GALNTL6: variants seen among roughly 807,000 people sequenced by gnomAD.
GALNTL6 encodes polypeptide N-acetylgalactosaminyltransferase like 6, also known as polypeptide N-acetylgalactosaminyltransferase-like 6.
Under a neutral mutation model 73.7 loss-of-function variants are expected in GALNTL6, and 46 were observed. The ratio of observed to expected loss-of-function variants is 0.62; its 90% CI spans 0.49 to 0.80. The LOEUF is 0.80. Ranked by LOEUF, GALNTL6 falls within the 30% of genes least tolerant of loss-of-function variation. The pLI is 0.00. For missense variants in GALNTL6, 604 were observed against 755.0 expected (o/e 0.80, Z 2.34); for synonymous variants, 259 against 263.7 (o/e 0.98, Z 0.17).
chr4:171,841,159 T>G (rs1462152529), intron 2 of GALNTL6, among the ~76,000 whole-genome samples: 2 of 152,198 alleles, frequency 1.3e-5, no homozygotes, highest in Non-Finnish European at 2.9e-5. Context: ...GTGTTATCTT[T>G]CCACTTCAAA....
At chr4:171,871,022 G>T (rs1410734340) in intron 2 of GALNTL6, among the ~76,000 whole-genome samples, 3 of 152,098 alleles carry the variant, frequency 2.0e-5, no homozygotes, top group African/African-American at 7.2e-5. Flanking sequence ...TTAAGATGAA[G>T]GAAGATCATT....
chr4:171,950,889 G>A (rs1738857464), intron 2 of GALNTL6, among the ~76,000 whole-genome samples: 1 of 151,670 alleles, frequency 6.6e-6, no homozygotes. Flanking sequence ...TGGGTGTACA[G>A]AATTTAAAAC....
At chr4:172,946,856 A>G (rs187203199) in intron 9 of GALNTL6, among the ~76,000 whole-genome samples, 1 of 152,308 alleles carries the variant, frequency 6.6e-6, no homozygotes, top group Admixed American at 6.5e-5. Flanking sequence ...CTGTTCAGCA[A>G]TCCATTTTGG....
At chr4:171,869,776 C>T (rs1578926840) in intron 2 of GALNTL6, among the ~76,000 whole-genome samples, 2 of 152,072 alleles carry the variant, frequency 1.3e-5, no homozygotes, top group Non-Finnish European at 2.9e-5. Flanking sequence ...ATATTGTTCT[C>T]GTGGTAGTGA....
chr4:172,535,031 CAA>C (rs1735299508), intron 5 of GALNTL6, among the ~76,000 whole-genome samples: 1 of 152,154 alleles, frequency 6.6e-6, no homozygotes, highest in Admixed American at 6.6e-5. Flanking sequence ...TTTTAGAAGA[CAA>C]GAGCTAAACA....
chr4:171,961,335 G>A (rs1739212751), intron 2 of GALNTL6, among the ~76,000 whole-genome samples: 1 of 152,054 alleles, frequency 6.6e-6, no homozygotes, highest in Admixed American at 6.6e-5. Flanking sequence ...ATTCTGACAG[G>A]CCCAGGAGCC....
intron 3 of GALNTL6, among the ~76,000 whole-genome samples, chr4:172,255,335 C>T: frequency 1.5e-5 from 1 of 67,252 alleles, no homozygotes; most frequent in South Asian, 3.7e-4. Flanking sequence ...ACAGAAAAAT[C>T]ATTGGTAGAG....
chr4:172,757,137 G>T (rs1310357548), intron 5 of GALNTL6, among the ~76,000 whole-genome samples: 1 of 152,138 alleles, frequency 6.6e-6, no homozygotes. Context: ...TAAGCATCTG[G>T]TGTATGCCAG....
chr4:171,860,956 T>G (rs1735815461), intron 2 of GALNTL6, among the ~76,000 whole-genome samples: 1 of 152,132 alleles, frequency 6.6e-6, no homozygotes. Flanking sequence ...CATTCAGCAT[T>G]CAGCTTGTAG....
intron 3 of GALNTL6, among the ~76,000 whole-genome samples, chr4:172,264,421 A>G (rs10021776): frequency 0.57 from 83,749 of 147,466 alleles, 25,030 homozygotes; most frequent in African/African-American, 0.77. Flanking sequence ...CAACATTAAA[A>G]CTAACATTTT....
intron 12 of GALNTL6, among the ~76,000 whole-genome samples, chr4:173,024,052 A>G (rs750295819): frequency 1.3e-5 from 2 of 152,208 alleles, no homozygotes; most frequent in Non-Finnish European, 2.9e-5. Context: ...ATAATATGCA[A>G]TTAAGCCAAG....
In GALNTL6 at chr4:172,825,078, T is replaced by TTTTCTTTCTTTCTTTC. The variant is rs70944424; in HGVS notation, c.923+11394_923+11409dup. Among the ~76,000 whole-genome samples the TTTTCTTTCTTTCTTTC allele has an allele frequency of 1.6e-3, 168 of 105,628 alleles. 1 individual carries two copies. Among genetic ancestry groups the TTTTCTTTCTTTCTTTC allele is most frequent in the Non-Finnish European group, 1.8e-3 (94 of 52,812 alleles). The allele number at this position is 105,628 out of a possible 152,430, so 69.3% of individuals were successfully genotyped here. A position where few individuals can be genotyped will look rare whatever the true frequency, so the allele number is the denominator to read the frequency against. ...TTTCTTTTTTTTTTTTTTGGTTATC[T>TTTTCTTTCTTTCTTTC]TTTCTTTCTTTCTTTCTTTCTTTCT... On this transcript the variant is annotated intron_variant, in intron 7 of 12. Coordinates refer to ENST00000506823, the MANE Select transcript of GALNTL6 (RefSeq NM_001034845.3).
chr4:172,285,679 C>G (rs1008537348), intron 3 of GALNTL6, among the ~76,000 whole-genome samples: 5 of 152,202 alleles, frequency 3.3e-5, no homozygotes, highest in Non-Finnish European at 7.3e-5. Flanking sequence ...CACCCAGCCT[C>G]CGCAGTTTCT....
intron 5 of GALNTL6, among the ~76,000 whole-genome samples, chr4:172,751,345 T>A (rs1170697638): frequency 6.6e-6 from 1 of 152,148 alleles, no homozygotes; most frequent in Non-Finnish European, 1.5e-5. Context: ...AAGTTAAATG[T>A]TTATATTGAG....
intron 5 of GALNTL6, among the ~76,000 whole-genome samples, chr4:172,604,562 G>A (rs1254431198): frequency 6.6e-6 from 1 of 152,130 alleles, no homozygotes; most frequent in Non-Finnish European, 1.5e-5. Flanking sequence ...ACTTGAAAAT[G>A]TTTTATTGAA....
intron 2 of GALNTL6, among the ~76,000 whole-genome samples, chr4:171,976,748 C>G (rs1739735044): frequency 6.6e-6 from 1 of 152,076 alleles, no homozygotes; most frequent in South Asian, 2.1e-4. Flanking sequence ...ACATCGTGAA[C>G]CCATGTGATG....
chr4:172,019,679 A>C lies in GALNTL6; in HGVS notation c.138+204961A>C, dbSNP rs1391099525. 2.6e-5 allele frequency among the ~76,000 whole-genome samples: 4 copies of C among 152,140 alleles called. No homozygotes were observed. In the East Asian group the frequency reaches 7.7e-4, roughly 29 times the overall value. ...CACCCAGATATATGAAGCAAATATT[A>C]CTAGTGCTAAGGAGAGAGATAGACT... is the stretch of plus-strand genomic sequence containing the variant. On this transcript the variant is annotated intron_variant, in intron 2 of 12. Coordinates refer to ENST00000506823, the MANE Select transcript of GALNTL6 (RefSeq NM_001034845.3).
intron 2 of GALNTL6, among the ~76,000 whole-genome samples, chr4:172,212,457 C>G (rs932065284): frequency 1.3e-5 from 2 of 152,138 alleles, no homozygotes; most frequent in South Asian, 2.1e-4. Context: ...CCTCGCCCAG[C>G]CAATGATTAG....
At chr4:172,076,969 A>G (rs1328863887) in intron 2 of GALNTL6, among the ~76,000 whole-genome samples, 1 of 152,148 alleles carries the variant, frequency 6.6e-6, no homozygotes, top group Non-Finnish European at 1.5e-5. Flanking sequence ...TTAAAAGTGT[A>G]TGGCACTTCC....
Sources: allele counts gnomAD v4.1 joint callset (sites outside exome capture counted in the v4.1 genomes callset), GRCh38; gene constraint gnomAD v4.1.1; transcripts MANE v1.5; gene names NCBI Gene and HGNC (gene_info 2026-07-23, HGNC 2026-07-21).